Variants in TAF4B observed in about 807,000 individuals in gnomAD.
TAF4B encodes TATA-box binding protein associated factor 4b.
TAF4B carries 38 observed loss-of-function variants against 86.4 expected under a neutral mutation model. The observed-to-expected ratio is 0.44, with a 90% confidence interval of 0.34 to 0.58. The LOEUF (loss-of-function observed/expected upper bound fraction) is 0.58, where lower values mean the gene tolerates loss of function less well. Ranked by LOEUF, TAF4B falls within the 20% of genes least tolerant of loss-of-function variation. The pLI is 0.02. For missense variants in TAF4B, 988 were observed against 1,027.6 expected, an observed-to-expected ratio of 0.96 and a Z score of 0.53; for synonymous variants, 388 against 391.2, an observed-to-expected ratio of 0.99 and a Z score of 0.10.
At chr18:26,287,658 A>G (rs944644478) in intron 7 of TAF4B, among the ~76,000 whole-genome samples, 1 of 152,174 alleles carries the variant, frequency 6.6e-6, no homozygotes, top group Non-Finnish European at 1.5e-5. Flanking sequence ...CTTTTGGTGA[A>G]TGTCCTTGTT....
At chr18:26,341,223 C>T (rs981589614) in intron 13 of TAF4B, among the ~76,000 whole-genome samples, 12 of 152,068 alleles carry the variant, frequency 7.9e-5, no homozygotes, top group African/African-American at 2.9e-4. Flanking sequence ...ATGAACTTAA[C>T]GATTCCTGCT....
intron 8 of TAF4B, 48 bp from the exon 9 acceptor site, chr18:26,293,378 T>C (rs745445512): frequency 1.1e-5 from 15 of 1,323,440 alleles, no homozygotes; most frequent in Middle Eastern, 4.6e-4. Flanking sequence ...CCTAATGTGG[T>C]GTGATTGCTT....
intron 14 of TAF4B, among the ~76,000 whole-genome samples, chr18:26,363,119 G>A (rs966740596): frequency 6.6e-6 from 1 of 151,876 alleles, no homozygotes; most frequent in Non-Finnish European, 1.5e-5. Context: ...GGATACCAAG[G>A]GATGACTATA....
chr18:26,246,706 T>C (rs923796740), intron 1 of TAF4B, among the ~76,000 whole-genome samples: 9 of 151,922 alleles, frequency 5.9e-5, no homozygotes, highest in Non-Finnish European at 1.2e-4. Context: ...GCTAATTTTT[T>C]ATTTTTAGTA....
intron 1 of TAF4B, among the ~76,000 whole-genome samples, chr18:26,254,395 A>G (rs1454168094): frequency 6.6e-6 from 1 of 152,142 alleles, no homozygotes. Context: ...GTGAAAGAAA[A>G]TAGAAACTTA....
At chr18:26,238,542 G>A (rs1377496988) in intron 1 of TAF4B, among the ~76,000 whole-genome samples, 1 of 151,852 alleles carries the variant, frequency 6.6e-6, no homozygotes, top group Non-Finnish European at 1.5e-5. Context: ...ACAGAGTCCT[G>A]AAATTTATTT....
intron 14 of TAF4B, among the ~76,000 whole-genome samples, chr18:26,376,338 T>C (rs1184640252): frequency 1.3e-5 from 2 of 152,130 alleles, no homozygotes; most frequent in African/African-American, 4.8e-5. Context: ...TTCATTGATA[T>C]TCCTCAGTTT....
In TAF4B at chr18:26,275,004, A is replaced by G; in HGVS notation, c.833A>G (p.Gln278Arg). The G allele has an allele frequency of 6.2e-7, 1 of 1,612,362 alleles. No homozygotes were observed. The highest frequency in any genetic ancestry group is 8.5e-7 in the Non-Finnish European group (1 of 1,179,780). ...ATAAAACTAGCATGTAGTGGATCAC[A>G]GTCCCCAGAAATGGGGCAAAATGTG... is the stretch of plus-strand genomic sequence containing the variant. ...MLIKLACSGSQSPEMGQNVKK... is the reference protein window; with the variant it reads ...MLIKLACSGSRSPEMGQNVKK... The change falls in exon 5 of 15, where the codon CAG (glutamine) becomes CGG (arginine). Residue 278 changes from glutamine (Q) to arginine (R), a missense_variant. By Grantham distance (43) the Gln-to-Arg change is conservative. Coordinates refer to ENST00000269142, the MANE Select transcript of TAF4B (RefSeq NM_005640.3).
intron 9 of TAF4B, among the ~76,000 whole-genome samples, chr18:26,307,812 T>G (rs1460896219): frequency 2.0e-5 from 3 of 152,224 alleles, no homozygotes; most frequent in African/African-American, 7.2e-5. Context: ...CATTGTTTTA[T>G]GTATTACGAG....
intron 1 of TAF4B, among the ~76,000 whole-genome samples, chr18:26,255,074 C>T (rs1405960841): frequency 6.6e-6 from 1 of 152,028 alleles, no homozygotes; most frequent in Admixed American, 6.6e-5. Context: ...AAAAAATGCC[C>T]CAACCACTGC....
chr18:26,389,214 A>T (rs1978559722), intron 14 of TAF4B, among the ~76,000 whole-genome samples: 1 of 152,196 alleles, frequency 6.6e-6, no homozygotes, highest in Admixed American at 6.5e-5. Flanking sequence ...TCCTCATTTG[A>T]TAAATGGGGA....
chr18:26,349,626 A>G (rs1178525602), intron 13 of TAF4B, among the ~76,000 whole-genome samples: 2 of 152,230 alleles, frequency 1.3e-5, no homozygotes, highest in African/African-American at 4.8e-5. Context: ...TGACCATACT[A>G]GCCAAAGCAA....
chr18:26,299,647 G>C (rs1432004576), intron 9 of TAF4B, among the ~76,000 whole-genome samples: 1 of 152,032 alleles, frequency 6.6e-6, no homozygotes, highest in Non-Finnish European at 1.5e-5. Flanking sequence ...AAACTAGATA[G>C]GTCTGTTGTT....
chr18:26,254,995 G>T (rs1191681669), intron 1 of TAF4B, among the ~76,000 whole-genome samples: 1 of 152,086 alleles, frequency 6.6e-6, no homozygotes, highest in Admixed American at 6.5e-5. Flanking sequence ...GCCTCTAGGG[G>T]CAAGTCCATG....
At chr18:26,337,703 G>T (rs188106527) in intron 13 of TAF4B, among the ~76,000 whole-genome samples, 1 of 152,108 alleles carries the variant, frequency 6.6e-6, no homozygotes, top group Non-Finnish European at 1.5e-5. Flanking sequence ...AATTACAGGC[G>T]TGAGCAACTG....
intron 1 of TAF4B, among the ~76,000 whole-genome samples, chr18:26,230,912 G>T (rs2055655373): frequency 6.6e-6 from 1 of 152,014 alleles, no homozygotes; most frequent in South Asian, 2.1e-4. Flanking sequence ...ACACATATCA[G>T]TGTGTTGAGT....
At chr18:26,286,576 G>A in intron 7 of TAF4B, 77 bp downstream of exon 7, 1 of 1,437,694 alleles carries the variant, frequency 7.0e-7, no homozygotes, top group Non-Finnish European at 9.3e-7. Flanking sequence ...AAGACTAGTA[G>A]AAAACTAGTA....
intron 14 of TAF4B, among the ~76,000 whole-genome samples, chr18:26,385,234 A>G (rs1978321126): frequency 6.6e-6 from 1 of 152,206 alleles, no homozygotes; most frequent in Non-Finnish European, 1.5e-5. Flanking sequence ...TAAAAATTGG[A>G]TTACTAGTTA....
chr18:26,258,663 A>G (rs8099564), intron 1 of TAF4B, among the ~76,000 whole-genome samples: 1,575 of 152,208 alleles, frequency 0.01, 28 homozygotes, highest in African/African-American at 0.036. Flanking sequence ...TGTATGGAGT[A>G]TCTGCTACTA....
Sources: gnomAD v4.1 joint callset for allele counts (sites outside exome capture counted in the v4.1 genomes callset) on GRCh38, gnomAD v4.1.1 for gene constraint, MANE v1.5 for transcripts, NCBI Gene and HGNC (gene_info 2026-07-23, HGNC 2026-07-21) for gene names.